Variants in ANKRD17 observed in about 807,000 individuals in gnomAD.
ANKRD17 encodes the protein ankyrin repeat domain-containing protein 17.
A neutral mutation model predicts 229.7 loss-of-function variants in ANKRD17; 19 were observed. That is an observed-to-expected ratio of 0.08 (90% CI 0.06 to 0.12). The LOEUF is 0.12. Among genes scored for constraint, ANKRD17 ranks in the 10% least tolerant of loss-of-function variants. The pLI, the probability that ANKRD17 is intolerant of heterozygous loss-of-function variation, is 1.00. For synonymous variants in ANKRD17, 1,112 were observed against 1,146.1 expected, an observed-to-expected ratio of 0.97 and a Z score of 0.60; for missense variants, 2,176 against 3,176.8, an observed-to-expected ratio of 0.68 and a Z score of 7.57.
At chr4:73,258,183 C>T (rs1745649714) in intron 1 of ANKRD17, 93 bp downstream of exon 1, 1 of 1,581,396 alleles carries the variant, frequency 6.3e-7, no homozygotes, top group African/African-American at 1.3e-5. Flanking sequence ...GATCAACCCA[C>T]TGGAATCTGT....
chr4:73,156,862 C>G (rs924552594), intron 3 of ANKRD17, among the ~76,000 whole-genome samples: 5 of 152,132 alleles, frequency 3.3e-5, no homozygotes, highest in African/African-American at 1.2e-4. Context: ...AGAGTGAGAA[C>G]AGACTAATGC....
intron 1 of ANKRD17, among the ~76,000 whole-genome samples, chr4:73,180,641 T>C (rs1460100156): frequency 6.6e-6 from 1 of 152,192 alleles, no homozygotes; most frequent in East Asian, 1.9e-4. Context: ...GAAATTCTTA[T>C]AGACAGCTTT....
Position 73,098,972 on chromosome 4 carries a change from G to A in ANKRD17, c.4574-452C>T, listed in dbSNP as rs1723624565. 4 of 992,024 alleles carry A rather than the reference G, an allele frequency of 4.0e-6. No individual in the cohort carries two copies. The Admixed American group carries it at 7.0e-5, about 17-fold the overall frequency. 61.5% of individuals were successfully genotyped at this position (992,024 alleles called of 1,614,324 possible). A position where few individuals can be genotyped will look rare whatever the true frequency, so the allele number is the denominator to read the frequency against. On this transcript the variant is annotated intron_variant, in intron 25 of 33. Coordinates refer to ENST00000358602, the MANE Select transcript of ANKRD17 (RefSeq NM_032217.5). ...AGGGAGTCAGAAGGAGCCCAGTGAA[G>A]TGCCAACACCTAAGAGACCTTGGGG...
rs552807221 is a variant in ANKRD17, at chr4:73,218,801, C to T, written c.393+39475G>A. Among the ~76,000 whole-genome samples the T allele has an allele frequency of 3.9e-5, 6 of 152,242 alleles. No individual in the cohort carries two copies. In the East Asian group the frequency reaches 7.7e-4, roughly 20 times the overall value. On this transcript the variant is annotated intron_variant, in intron 1 of 33. Transcript: ENST00000358602. ...GGTACTCAATAAATGCAGTGGCTCACGCCTGTAATCCCACACTTTGAGAGG... is the reference window on the plus strand; with the variant it reads ...GGTACTCAATAAATGCAGTGGCTCATGCCTGTAATCCCACACTTTGAGAGG...
chr4:73,189,490 G>A (rs1402615857), intron 1 of ANKRD17, among the ~76,000 whole-genome samples: 2 of 134,220 alleles, frequency 1.5e-5, no homozygotes, highest in Admixed American at 8.9e-5. Flanking sequence ...TCCATTTCCT[G>A]GGTTCAAGCT....
At chr4:73,140,407 G>T in intron 14 of ANKRD17, 124 bp from the exon 15 acceptor site, 1 of 943,630 alleles carries the variant, frequency 1.1e-6, no homozygotes, top group Non-Finnish European at 1.4e-6. Context: ...AGGTGAAAAT[G>T]CACTGTTAAA....
chr4:73,248,506 C>A (rs371229174), intron 1 of ANKRD17, among the ~76,000 whole-genome samples: 1 of 151,930 alleles, frequency 6.6e-6, no homozygotes, highest in South Asian at 2.1e-4. Flanking sequence ...TTCTTCAAAA[C>A]CCTTATAATA....
chr4:73,191,324 C>G (rs982162786), intron 1 of ANKRD17, among the ~76,000 whole-genome samples: 4 of 112,866 alleles, frequency 3.5e-5, no homozygotes, highest in African/African-American at 7.2e-5. Flanking sequence ...AAAATAGGCC[C>G]CTACCAAAAA....
At chr4:73,144,186 A>G (rs1329673924) in intron 11 of ANKRD17, among the ~76,000 whole-genome samples, 1 of 152,184 alleles carries the variant, frequency 6.6e-6, no homozygotes, top group Non-Finnish European at 1.5e-5. Context: ...AAGTAATAAT[A>G]TACTCCCTTT....
At chr4:73,196,563 CAT>C (rs759573675) in intron 1 of ANKRD17, among the ~76,000 whole-genome samples, 10 of 152,168 alleles carry the variant, frequency 6.6e-5, no homozygotes, top group Non-Finnish European at 1.3e-4. Flanking sequence ...CACACACAAA[CAT>C]ATACTTATGT....
rs1722771367 is a variant in ANKRD17 at position 73,091,281 on chromosome 4, G to C, written c.6347C>G (p.Ser2116Cys). Residue 2116 changes from serine to cysteine, a missense_variant, in exon 29 of 34, where the codon TCT becomes TGT. Ser to Cys is a moderately radical substitution (Grantham distance 112, BLOSUM62 -1). Transcript: ENST00000358602. Reference protein sequence around the residue: ...SNQQQPPGSVSQEPRPPLQQS... With the variant: ...SNQQQPPGSVCQEPRPPLQQS... Reference sequence around the variant, plus strand: ...CTGAAGAGGTGGTCTTGGTTCCTGAGAAACAGATCCCGGAGGTTGTTGCTG... The same window carrying C: ...CTGAAGAGGTGGTCTTGGTTCCTGACAAACAGATCCCGGAGGTTGTTGCTG... 6.2e-7 allele frequency: 1 copy of C among 1,614,062 alleles called. No homozygotes were observed. Among genetic ancestry groups the C allele is most frequent in the Non-Finnish European group, 8.5e-7 (1 of 1,180,034 alleles).
chr4:73,184,118 T>G (rs1054868674), intron 1 of ANKRD17, among the ~76,000 whole-genome samples: 1 of 152,194 alleles, frequency 6.6e-6, no homozygotes. Context: ...GGACCAACTG[T>G]CATCGTTAGC....
intron 1 of ANKRD17, among the ~76,000 whole-genome samples, chr4:73,204,237 TG>T (rs1739121016): frequency 6.6e-6 from 1 of 151,102 alleles, no homozygotes; most frequent in African/African-American, 2.4e-5. Flanking sequence ...GGCGGGCTCC[TG>T]TAGTCCCAGC....
At chr4:73,205,527 C>G (rs991817752) in intron 1 of ANKRD17, among the ~76,000 whole-genome samples, 9 of 151,992 alleles carry the variant, frequency 5.9e-5, no homozygotes, top group Admixed American at 5.9e-4. Flanking sequence ...GCTGGGAGAA[C>G]TAGATACTGA....
Position 73,146,831 on chromosome 4 carries a change from A to G in ANKRD17, c.1802T>C (p.Leu601Pro), listed in dbSNP as rs766811940. Residue 601 changes from leucine to proline, a missense_variant, in exon 10 of 34, where the codon CTA becomes CCA. Physicochemically the swap from Leu to Pro is moderately conservative, Grantham distance 98 (BLOSUM62 -3). This residue lies in a region of ANKRD17 where 275 missense variants were observed against 386.9 expected (regional missense o/e 0.71). Coordinates refer to ENST00000358602, the MANE Select transcript of ANKRD17 (RefSeq NM_032217.5). ...HATTATGDTA[L>P]TYACENGHTD... ...ATGACCATTTTCACAGGCATATGTT[A>G]GTGCTGTATCCCCTGTTGCTGTTGT... 2 of 1,612,920 alleles carry G rather than the reference A, an allele frequency of 1.2e-6. No homozygotes were observed. The highest frequency in any genetic ancestry group is 1.7e-6 in the Non-Finnish European group (2 of 1,179,316).
intron 1 of ANKRD17, among the ~76,000 whole-genome samples, chr4:73,201,202 AAC>A (rs1738633228): frequency 1.3e-5 from 2 of 152,132 alleles, no homozygotes; most frequent in South Asian, 4.1e-4. Flanking sequence ...AAATGTAAAT[AAC>A]AGTCAGAAAA....
intron 24 of ANKRD17, among the ~76,000 whole-genome samples, chr4:73,104,834 T>C (rs1323124185): frequency 6.6e-6 from 1 of 152,214 alleles, no homozygotes; most frequent in East Asian, 1.9e-4. Flanking sequence ...TTTAAGCCCA[T>C]ATGTCCTAGA....
rs1341185048 is a variant in ANKRD17, at chr4:73,139,441, C to T, written c.3085+90G>A. 7.6e-5 allele frequency: 112 copies of T among 1,469,606 alleles called. No homozygotes were observed. The South Asian group carries it at 1.4e-3, about 18-fold the overall frequency. 91.0% of individuals were successfully genotyped at this position (1,469,606 alleles called of 1,614,324 possible). On this transcript the variant is annotated intron_variant, in intron 15 of 33. Transcript: ENST00000358602. ...CATGAGTCAGTCCAAAAATAGTTCTCAAGTTGGGTAACGGCAAAAAATTTG... is the reference window on the plus strand; with the variant it reads ...CATGAGTCAGTCCAAAAATAGTTCTTAAGTTGGGTAACGGCAAAAAATTTG...
chr4:73,101,053 G>A (rs1160194872), intron 25 of ANKRD17: 30 of 892,850 alleles, frequency 3.4e-5, no homozygotes, highest in Non-Finnish European at 3.9e-5. Context: ...TAGAGGTAAT[G>A]TAGAGATGAT....
Sources: allele counts gnomAD v4.1 joint callset (sites outside exome capture counted in the v4.1 genomes callset), GRCh38; gene constraint gnomAD v4.1.1; regional missense constraint gnomAD v4.1.1; transcripts MANE v1.5; gene names NCBI Gene and HGNC (gene_info 2026-07-23, HGNC 2026-07-21).